MACROD2: variants seen among roughly 807,000 people sequenced by gnomAD.
MACROD2 encodes mono-ADP ribosylhydrolase 2.
A neutral mutation model predicts 70.4 loss-of-function variants in MACROD2; 36 were observed. That is an observed-to-expected ratio of 0.51 (90% CI 0.39 to 0.68). The LOEUF is 0.68. Among genes scored for constraint, MACROD2 ranks in the 30% least tolerant of loss-of-function variants. The pLI is 0.00. For missense variants in MACROD2, 496 were observed against 538.4 expected, an observed-to-expected ratio of 0.92 and a Z score of 0.78; for synonymous variants, 172 against 178.8, an observed-to-expected ratio of 0.96 and a Z score of 0.30.
At chr20:14,969,727 T>G (rs965342620) in intron 5 of MACROD2, among the ~76,000 whole-genome samples, 1 of 152,180 alleles carries the variant, frequency 6.6e-6, no homozygotes, top group Non-Finnish European at 1.5e-5. Flanking sequence ...ATTTTTGAAG[T>G]CTTAAAGAGT....
At chr20:14,863,904 A>G (rs1042214534) in intron 5 of MACROD2, among the ~76,000 whole-genome samples, 1 of 152,136 alleles carries the variant, frequency 6.6e-6, no homozygotes, top group African/African-American at 2.4e-5. Context: ...CTCCATTGTT[A>G]AACTTGACTA....
intron 6 of MACROD2, among the ~76,000 whole-genome samples, chr20:15,387,311 C>T (rs1397966796): frequency 6.6e-6 from 1 of 151,930 alleles, no homozygotes; most frequent in Admixed American, 6.6e-5. Context: ...ATTCTACTTT[C>T]TTCCCCTTGC....
intron 16 of MACROD2, among the ~76,000 whole-genome samples, chr20:16,042,889 T>C (rs189059061): frequency 6.6e-6 from 1 of 152,182 alleles, no homozygotes; most frequent in Non-Finnish European, 1.5e-5. Context: ...GTTCAGTGGA[T>C]GCCATATAAA....
At chr20:15,874,422 A>G (rs1403067966) in intron 9 of MACROD2, among the ~76,000 whole-genome samples, 1 of 152,098 alleles carries the variant, frequency 6.6e-6, no homozygotes, top group Non-Finnish European at 1.5e-5. Flanking sequence ...TCCTTTGGGT[A>G]TATACCCAGT....
rs190118568 is a variant in MACROD2 at position 16,051,843 on chromosome 20, A to G, written c.*1967A>G. 4.6e-5 allele frequency: 7 copies of G among 152,296 alleles called. No individual in the cohort carries two copies. The East Asian group carries it at 1.2e-3, about 25-fold the overall frequency. The allele number at this position is 152,296 out of a possible 1,614,324, so 9.4% of individuals were successfully genotyped here. On this transcript the variant is annotated 3_prime_UTR_variant, in exon 18 of 18. Coordinates refer to ENST00000684519, the MANE Select transcript of MACROD2 (RefSeq NM_001351661.2). The stretch of plus-strand genomic sequence containing the variant: ...TAGCCTCAGTAATGAGTTACAGTTG[A>G]AAAAAACATGAGGGAAACAGAGGGA...
Position 14,713,557 on chromosome 20 carries a change from C to T in MACROD2, c.418+28598C>T, listed in dbSNP as rs545652799. ...ATTAAATAGATTAGGTGGAGTCCTC[C>T]GAAACCCTTTCCTGATTTCCTGGGC... On this transcript the variant is annotated intron_variant, in intron 5 of 17. Transcript: ENST00000684519. Among the ~76,000 whole-genome samples the T allele has an allele frequency of 4.6e-5, 7 of 152,188 alleles. No individual in the cohort carries two copies. In the South Asian group the frequency reaches 8.3e-4, roughly 18 times the overall value.
Position 15,999,458 on chromosome 20 carries a change from G to T in MACROD2, c.1153+12300G>T, listed in dbSNP as rs544710730. Among the ~76,000 whole-genome samples the T allele has an allele frequency of 3.0e-4, 45 of 152,272 alleles. 2 individuals are homozygous for T. The South Asian group carries it at 8.9e-3, about 30-fold the overall frequency. On this transcript the variant is annotated intron_variant, in intron 15 of 17. Transcript: ENST00000684519. ...AAAGAATATGTATTTTGCAGTTATT[G>T]AATGGAATGTTAGGTGTCTGTTAGG...
chr20:14,641,878 G>A (rs112161249), intron 4 of MACROD2, among the ~76,000 whole-genome samples: 3,574 of 152,158 alleles, frequency 0.023, 61 homozygotes, highest in Admixed American at 0.036. Context: ...ATGCTCAGTG[G>A]GCACTGGCTT....
At chr20:14,532,713 C>T (rs1304012942) in intron 4 of MACROD2, among the ~76,000 whole-genome samples, 2 of 152,056 alleles carry the variant, frequency 1.3e-5, no homozygotes, top group Admixed American at 6.5e-5. Flanking sequence ...TTCAAATATA[C>T]GCTACTGGCA....
intron 10 of MACROD2, among the ~76,000 whole-genome samples, chr20:15,917,321 A>G (rs2065334188): frequency 1.3e-5 from 2 of 152,232 alleles, no homozygotes; most frequent in African/African-American, 4.8e-5. Context: ...TTAAGTCACT[A>G]AAATGACTAA....
At chr20:15,477,498 T>C (rs1051676077) in intron 7 of MACROD2, among the ~76,000 whole-genome samples, 2 of 152,012 alleles carry the variant, frequency 1.3e-5, no homozygotes, top group African/African-American at 2.4e-5. Flanking sequence ...TATGTGCGAG[T>C]TTTAAAATTT....
chr20:14,237,310 G>T (rs1430144734), intron 3 of MACROD2, among the ~76,000 whole-genome samples: 2 of 150,996 alleles, frequency 1.3e-5, no homozygotes, highest in African/African-American at 4.9e-5. Flanking sequence ...TCTTTTTTTT[G>T]TTAGAGAATA....
intron 6 of MACROD2, among the ~76,000 whole-genome samples, chr20:15,345,371 T>A (rs980034893): frequency 3.3e-5 from 5 of 152,336 alleles, no homozygotes; most frequent in East Asian, 1.9e-4. Flanking sequence ...GATCTCTGAT[T>A]TTAATTGTCT....
At chr20:15,967,487 G>C in intron 12 of MACROD2, 66 bp from the exon 13 acceptor site, 1 of 1,233,766 alleles carries the variant, frequency 8.1e-7, no homozygotes, top group Non-Finnish European at 1.2e-6. Context: ...TATCATGTTA[G>C]TGCTGAAAGC....
intron 5 of MACROD2, among the ~76,000 whole-genome samples, chr20:14,852,516 C>A (rs1325231812): frequency 6.6e-6 from 1 of 152,080 alleles, no homozygotes; most frequent in Non-Finnish European, 1.5e-5. Flanking sequence ...ATTAGTTTTG[C>A]ACACTCACAA....
At chr20:14,502,369 T>C (rs1362893409) in intron 4 of MACROD2, among the ~76,000 whole-genome samples, 1 of 152,192 alleles carries the variant, frequency 6.6e-6, no homozygotes, top group South Asian at 2.1e-4. Flanking sequence ...TGGCAACAAA[T>C]TCAAGATCTC....
intron 13 of MACROD2, among the ~76,000 whole-genome samples, chr20:15,973,149 A>G (rs2066255876): frequency 6.6e-6 from 1 of 152,108 alleles, no homozygotes; most frequent in Admixed American, 6.5e-5. Context: ...ATAAAAATAT[A>G]TAGTTTCTGT....
At chr20:15,935,340 A>G (rs2065642479) in intron 11 of MACROD2, among the ~76,000 whole-genome samples, 1 of 152,192 alleles carries the variant, frequency 6.6e-6, no homozygotes. Context: ...CGGCCGGCAC[A>G]GAGGCCAATG....
At chr20:14,690,664 C>G (rs2071052384) in intron 5 of MACROD2, among the ~76,000 whole-genome samples, 1 of 152,142 alleles carries the variant, frequency 6.6e-6, no homozygotes, top group Non-Finnish European at 1.5e-5. Flanking sequence ...TCGTGGTGGC[C>G]AAGGATCCCT....
Sources: gnomAD v4.1 joint callset for allele counts (sites outside exome capture counted in the v4.1 genomes callset) on GRCh38, gnomAD v4.1.1 for gene constraint, MANE v1.5 for transcripts, NCBI Gene and HGNC (gene_info 2026-07-23, HGNC 2026-07-21) for gene names.